The following RUNX1T1 variants were observed in gnomAD, a reference collection of about 807,000 sequenced individuals.
The protein encoded by RUNX1T1 is RUNX1 partner transcriptional co-repressor 1.
A neutral mutation model predicts 62.8 loss-of-function variants in RUNX1T1; 4 were observed. The observed-to-expected ratio is 0.06, with a 90% CI of 0.03 to 0.15. RUNX1T1 has a LOEUF of 0.15. Among genes scored for constraint, RUNX1T1 ranks in the 10% least tolerant of loss-of-function variants. The pLI, the probability that RUNX1T1 is intolerant of heterozygous loss-of-function variation, is 1.00. For missense variants in RUNX1T1, 508 were observed against 754.3 expected (o/e 0.67, Z 3.82); for synonymous variants, 291 against 286.0 (o/e 1.02, Z -0.18).
At chr8:92,061,745 C>T (rs1042186190) in intron 1 of RUNX1T1, among the ~76,000 whole-genome samples, 2 of 152,128 alleles carry the variant, frequency 1.3e-5, no homozygotes, top group African/African-American at 4.8e-5. Context: ...CCACATAAAT[C>T]GGCCAGCTGG....
intron 1 of RUNX1T1, among the ~76,000 whole-genome samples, chr8:92,093,842 T>C (rs1359817700): frequency 2.0e-5 from 3 of 152,234 alleles, no homozygotes; most frequent in Non-Finnish European, 2.9e-5. Context: ...GCAAGATCTA[T>C]GGCTAGCATG....
chr8:91,970,784 C>G lies in RUNX1T1; in HGVS notation c.1332G>C (p.Ala444=), dbSNP rs142225049. 1.9e-6 allele frequency: 3 copies of G among 1,613,286 alleles called. No individual in the cohort carries two copies. The African/African-American group carries it at 4.0e-5, about 22-fold the overall frequency. Reference sequence around the variant, plus strand: ...TGATCATGTCGTGGGCTTTCCGCTCCGCCTCAGACACGGCCTTCTGCAGCT... The same window carrying G: ...TGATCATGTCGTGGGCTTTCCGCTCGGCCTCAGACACGGCCTTCTGCAGCT... Residue 444 remains alanine (A), a synonymous_variant, in exon 10 of 11, where the codon GCG becomes GCC. Transcript: ENST00000396218.
chr8:92,100,201 AC>A (rs1837972042), upstream of RUNX1T1, among the ~76,000 whole-genome samples: 1 of 152,216 alleles, frequency 6.6e-6, no homozygotes, highest in Non-Finnish European at 1.5e-5. Flanking sequence ...GCAGGTATTA[AC>A]GGACCACAGA....
intron 1 of RUNX1T1, among the ~76,000 whole-genome samples, chr8:92,086,951 C>A (rs1035236501): frequency 1.3e-5 from 2 of 152,180 alleles, no homozygotes; most frequent in African/African-American, 4.8e-5. Flanking sequence ...CACATTAGGA[C>A]CAACTCTTTG....
chr8:92,016,557 C>T (rs887643849), intron 2 of RUNX1T1, among the ~76,000 whole-genome samples: 1 of 152,078 alleles, frequency 6.6e-6, no homozygotes, highest in African/African-American at 2.4e-5. Context: ...TGACTGTAAT[C>T]CCAGCTACTC....
rs200036855 is a variant in RUNX1T1, at chr8:92,081,536, GT to G, written c.-85-5400del. ...AAAAAACATAAACTGATGTTTGGTA[GT>G]TTTTTTTTTTTTTTTTAAATCTAAT... is the stretch of plus-strand genomic sequence containing the variant. On this transcript the variant is annotated intron_variant, in intron 1 of 11. Coordinates refer to the RUNX1T1 transcript ENST00000265814. Among the ~76,000 whole-genome samples, 679 of 134,632 alleles carry G rather than the reference GT, an allele frequency of 5.0e-3. 4 individuals carry two copies. The highest frequency in any genetic ancestry group is 0.027 in the South Asian group (109 of 4,096). The allele number at this position is 134,632 out of a possible 152,430, so 88.3% of individuals were successfully genotyped here. A position where few individuals can be genotyped will look rare whatever the true frequency, so the allele number is the denominator to read the frequency against.
intron 1 of RUNX1T1, among the ~76,000 whole-genome samples, chr8:92,047,752 T>A (rs1230424895): frequency 2.8e-5 from 4 of 143,142 alleles, no homozygotes; most frequent in East Asian, 4.0e-4. Context: ...ACTATGGATT[T>A]AAAAAAAAAA....
chr8:92,095,256 A>T (rs1410231605), intron 1 of RUNX1T1: 1 of 1,521,942 alleles, frequency 6.6e-7, no homozygotes, highest in East Asian at 2.5e-5. Flanking sequence ...GGAGAGAGGG[A>T]GAGAGAAAAG....
intron 5 of RUNX1T1, among the ~76,000 whole-genome samples, chr8:92,002,430 A>G (rs1819942321): frequency 6.6e-6 from 1 of 152,196 alleles, no homozygotes; most frequent in African/African-American, 2.4e-5. Flanking sequence ...AAACATAACC[A>G]GTGACAATCA....
In RUNX1T1 at chr8:91,980,757, G is replaced by A. The variant is rs115460005; in HGVS notation, c.1199-4784C>T. ...CATAAACGTGGCTCACTGTCACTTT[G>A]ACCTCCTGGGCTCAAGGAATCCTCC... On this transcript the variant is annotated intron_variant, in intron 8 of 10. Transcript: ENST00000396218. Among the ~76,000 whole-genome samples, 746 of 152,194 alleles carry A rather than the reference G, an allele frequency of 4.9e-3. 6 individuals carry two copies. The highest frequency in any genetic ancestry group is 0.017 in the African/African-American group (714 of 41,512).
intron 2 of RUNX1T1, among the ~76,000 whole-genome samples, chr8:92,015,817 T>C (rs1468997553): frequency 1.3e-5 from 2 of 152,240 alleles, no homozygotes; most frequent in African/African-American, 4.8e-5. Flanking sequence ...AATGGTTCTC[T>C]TGTCACAACT....
chr8:91,965,867 T>C (rs575838302), intron 10 of RUNX1T1, among the ~76,000 whole-genome samples: 22 of 152,238 alleles, frequency 1.4e-4, no homozygotes, highest in African/African-American at 4.1e-4. Context: ...TTTTCCTCTT[T>C]CGTTCTTACA....
rs1563591942 is a variant in RUNX1T1 at position 91,959,484 on chromosome 8, GTGTGTATATATA to G, written c.*746_*757del. ...TGTGTGTGTATATGTGCGTGTGTGT[GTGTGTATATATA>G]TATATATATATATATATATGGAGCC... is the stretch of plus-strand genomic sequence containing the variant. On this transcript the variant is annotated 3_prime_UTR_variant, in exon 11 of 11. Transcript: ENST00000396218. 55 of 163,352 alleles carry G rather than the reference GTGTGTATATATA, an allele frequency of 3.4e-4. 1 individual carries two copies. The highest frequency in any genetic ancestry group is 1.4e-3 in the East Asian group (11 of 8,128). 10.1% of individuals were successfully genotyped at this position (163,352 alleles called of 1,614,324 possible).
chr8:92,077,322 T>C (rs1834574138), intron 1 of RUNX1T1, among the ~76,000 whole-genome samples: 1 of 152,122 alleles, frequency 6.6e-6, no homozygotes, highest in Non-Finnish European at 1.5e-5. Flanking sequence ...ACATTTAGCT[T>C]ACTATAAATA....
intron 1 of RUNX1T1, among the ~76,000 whole-genome samples, chr8:92,050,641 T>C (rs969045062): frequency 2.0e-5 from 3 of 152,220 alleles, no homozygotes; most frequent in Admixed American, 6.5e-5. Context: ...GACATTTTAC[T>C]GATCTTAAAA....
chr8:92,043,533 T>C (rs1828844838), intron 1 of RUNX1T1, among the ~76,000 whole-genome samples: 1 of 151,812 alleles, frequency 6.6e-6, no homozygotes, highest in African/African-American at 2.4e-5. Flanking sequence ...ATAAATGAAA[T>C]AATAAAAAGT....
At chr8:92,068,099 ACTG>A (rs1457276441) in intron 2 of RUNX1T1, among the ~76,000 whole-genome samples, 2 of 152,116 alleles carry the variant, frequency 1.3e-5, no homozygotes, top group African/African-American at 2.4e-5. Flanking sequence ...AGCTATGTTA[ACTG>A]CTGTTTTTTT....
intron 1 of RUNX1T1, among the ~76,000 whole-genome samples, chr8:92,052,709 CAG>C (rs754830916): frequency 4.6e-5 from 7 of 152,170 alleles, no homozygotes; most frequent in African/African-American, 7.2e-5. Flanking sequence ...GGTCTACCCA[CAG>C]AGTTTCTGAC....
At chr8:92,025,235 CCAGAGAT>C (rs1824913800) in intron 1 of RUNX1T1, among the ~76,000 whole-genome samples, 2 of 152,158 alleles carry the variant, frequency 1.3e-5, no homozygotes, top group Non-Finnish European at 2.9e-5. Flanking sequence ...AATGGTGTGA[CCAGAGAT>C]CCTGCCTCTC....
Sources: allele counts gnomAD v4.1 joint callset (sites outside exome capture counted in the v4.1 genomes callset), GRCh38; gene constraint gnomAD v4.1.1; transcripts MANE v1.5; gene names NCBI Gene and HGNC (gene_info 2026-07-23, HGNC 2026-07-21).